Variants in FHL3 observed in about 807,000 individuals in gnomAD.
FHL3 encodes four and a half LIM domains 3.
Under a neutral mutation model 34.3 loss-of-function variants are expected in FHL3, and 21 were observed. The observed-to-expected ratio is 0.61, with a 90% CI of 0.43 to 0.88. The LOEUF is 0.88. FHL3 is among the 40% of genes least tolerant of loss of function. FHL3 has a pLI of 0.00. For missense variants in FHL3, 333 were observed against 373.7 expected (o/e 0.89, Z 0.90); for synonymous variants, 137 against 144.6 (o/e 0.95, Z 0.38).
chr1:37,997,676 T>G lies in FHL3; in HGVS notation c.688+8A>C. 34 of 1,613,966 alleles carry G rather than the reference T, an allele frequency of 2.1e-5. No homozygotes were observed. Among genetic ancestry groups the G allele is most frequent in the Non-Finnish European group, 2.9e-5 (34 of 1,179,890 alleles). ...CCTACCCACTCCGTTCTTTGACCCT[T>G]GTCCCACCTACGATGGGGCGCTTGC... On this transcript the variant is annotated splice_region_variant and intron_variant, in intron 5 of 5. Transcript: ENST00000373016. This position sits in a 1 kb window ranked among gnomAD's most constrained non-coding sequence, Gnocchi z 4.3.
Position 37,998,003 on chromosome 1 carries a change from T to C in FHL3, c.461A>G (p.Tyr154Cys), listed in dbSNP as rs780423046. The C allele has an allele frequency of 1.3e-5, 21 of 1,614,106 alleles. No individual in the cohort carries two copies. Among genetic ancestry groups the C allele is most frequent in the Non-Finnish European group, 1.7e-5 (20 of 1,179,988 alleles). Residue 154 changes from tyrosine (Y) to cysteine (C), a missense_variant, in exon 4 of 6, where the codon TAT becomes TGT. Coordinates refer to ENST00000373016, the MANE Select transcript of FHL3 (RefSeq NM_004468.5). ...GCAGCGAGGAGCAAACTTGTTCTCA[T>C]AGCAGGGCACGCAGTAGTGAGCACC... ...DKGAHYCVPC[Y>C]ENKFAPRCAR...
intron 1 of FHL3, among the ~76,000 whole-genome samples, 157 bp from the exon 2 acceptor site, chr1:37,999,589 C>T (rs1434848821): frequency 6.6e-6 from 1 of 152,006 alleles, no homozygotes; most frequent in Admixed American, 6.5e-5. Flanking sequence ...TTCTGGGAAA[C>T]CAGGAATCCC....
chr1:37,999,909 A>G (rs1646576603), intron 1 of FHL3, among the ~76,000 whole-genome samples: 1 of 152,252 alleles, frequency 6.6e-6, no homozygotes, highest in Non-Finnish European at 1.5e-5. Flanking sequence ...TCTGGAGTAC[A>G]GAACTTAGAG....
chr1:38,000,621 C>T (rs1245954722), intron 1 of FHL3, among the ~76,000 whole-genome samples: 1 of 152,178 alleles, frequency 6.6e-6, no homozygotes, highest in African/African-American at 2.4e-5. Flanking sequence ...AGGAACAAAG[C>T]ATGTTTGTGG....
At chr1:37,999,566 G>A in intron 1 of FHL3, 134 bp from the exon 2 acceptor site, 2 of 766,712 alleles carry the variant, frequency 2.6e-6, no homozygotes, top group South Asian at 1.9e-5. Context: ...AGGTGGGGAT[G>A]GGGAAGGGGT....
At chr1:38,003,157 T>TCAAAA (rs1047837111) in intron 1 of FHL3, among the ~76,000 whole-genome samples, 2 of 147,164 alleles carry the variant, frequency 1.4e-5, no homozygotes, top group Non-Finnish European at 3.0e-5. Flanking sequence ...AAACTCTGTC[T>TCAAAA]CAAAACAAAA....
intron 2 of FHL3, 35 bp downstream of exon 2, chr1:37,999,222 C>T (rs998736553): frequency 6.8e-6 from 11 of 1,614,016 alleles, no homozygotes; most frequent in Non-Finnish European, 8.5e-6. Context: ...CACTGGTCAC[C>T]ACCCACCTCC....
At chr1:38,002,535 ATTT>A (rs35702463) in intron 1 of FHL3, among the ~76,000 whole-genome samples, 25 of 106,752 alleles carry the variant, frequency 2.3e-4, no homozygotes, top group East Asian at 6.5e-4. Flanking sequence ...TGCCAGCCCA[ATTT>A]TTTTTTTTTT....
chr1:38,001,682 C>T (rs775516758), intron 1 of FHL3, among the ~76,000 whole-genome samples: 4 of 152,154 alleles, frequency 2.6e-5, no homozygotes, highest in African/African-American at 4.8e-5. Flanking sequence ...GGCAGTGGGG[C>T]GGGGTTTGGG....
At chr1:37,998,779 C>T (rs906524439) in intron 3 of FHL3, 195 bp downstream of exon 3, 11 of 599,966 alleles carry the variant, frequency 1.8e-5, no homozygotes, top group Admixed American at 3.0e-5. Flanking sequence ...GTATGTATCA[C>T]ATGTGTCAAT....
chr1:37,997,284 T>G lies in FHL3; in HGVS notation c.*121A>C, dbSNP rs1646543208. The G allele has an allele frequency of 9.5e-7, 1 of 1,056,666 alleles. No homozygotes were observed. The highest frequency in any genetic ancestry group is 1.6e-5 in the African/African-American group (1 of 63,048). The allele number at this position is 1,056,666 out of a possible 1,614,324, so 65.5% of individuals were successfully genotyped here. ...GGATGCTGGAGTGGGGAGACAATCCTGGAGCCCAGAAGGAGACCCATTTTT... is the reference window on the plus strand; with the variant it reads ...GGATGCTGGAGTGGGGAGACAATCCGGGAGCCCAGAAGGAGACCCATTTTT... On this transcript the variant is annotated 3_prime_UTR_variant, in exon 6 of 6. Coordinates refer to ENST00000373016, the MANE Select transcript of FHL3 (RefSeq NM_004468.5). This position sits in a 1 kb window ranked among gnomAD's most constrained non-coding sequence, Gnocchi z 4.3.
At chr1:38,000,009 T>C (rs1570484514) in intron 1 of FHL3, among the ~76,000 whole-genome samples, 1 of 152,174 alleles carries the variant, frequency 6.6e-6, no homozygotes, top group Non-Finnish European at 1.5e-5. Flanking sequence ...AAGAGGCCAG[T>C]GTGAGAGGTT....
rs1197445220 is a variant in FHL3 at position 37,998,036 on chromosome 1, G to A, written c.428C>T (p.Pro143Leu). 6.2e-7 allele frequency: 1 copy of A among 1,614,004 alleles called. No individual in the cohort carries two copies. Among genetic ancestry groups the A allele is most frequent in the Non-Finnish European group, 8.5e-7 (1 of 1,180,024 alleles). The change falls in exon 4 of 6, where the codon CCC (proline) becomes CTC (leucine). Residue 143 changes from proline to leucine, a missense_variant. Physicochemically the swap from Pro to Leu is moderately conservative, Grantham distance 98. Transcript: ENST00000373016. ...CACGCAGTAGTGAGCACCCTTGTCG[G>A]GCACAAAAGAACGGGAGCCCAGTGG... ...EQPLGSRSFV[P>L]DKGAHYCVPC...
chr1:37,998,517 C>T (rs1289762398), intron 3 of FHL3, among the ~76,000 whole-genome samples: 1 of 152,134 alleles, frequency 6.6e-6, no homozygotes. Context: ...TCTGCCCACA[C>T]AAAGTTCTAA....
chr1:37,999,444 A>C lies in FHL3; in HGVS notation c.-20-12T>G. The C allele has an allele frequency of 6.2e-7, 1 of 1,611,602 alleles. No homozygotes were observed. Among genetic ancestry groups the C allele is most frequent in the East Asian group, 2.2e-5 (1 of 44,872 alleles). ...AAGGGGAGAGAACCCTGTTAGGAGC[A>C]CAAGGTGGAACTGGGGTCACACAGA... On this transcript the variant is annotated splice_polypyrimidine_tract_variant and intron_variant, in intron 1 of 5. Transcript: ENST00000373016.
rs770955273 is a variant in FHL3 at position 37,998,107 on chromosome 1, G to T, written c.357C>A (p.Gly119=). The change falls in exon 4 of 6, where the codon GGC becomes GGA. Residue 119 remains glycine (G), a synonymous_variant. Coordinates refer to ENST00000373016, the MANE Select transcript of FHL3 (RefSeq NM_004468.5). The part of the protein sequence containing the change: ...MPGSRKLEYG[G]QTWHEHCFLC... ...GGAAGCAGTGCTCATGCCATGTCTG[G>T]CCTCCATATTCCAGCTTCCGGGACC... 2.5e-6 allele frequency: 4 copies of T among 1,613,916 alleles called. No individual in the cohort carries two copies. In the Admixed American group the frequency reaches 5.0e-5, roughly 20 times the overall value.
rs983975444 is a variant in FHL3, at chr1:37,997,032, C to T, written c.*373G>A. ...GACTTCCCAGGCACCCATAGGAGAC[C>T]TGAAACCTATAAAGAGAAGTCTAGA... On this transcript the variant is annotated 3_prime_UTR_variant, in exon 6 of 6. Coordinates refer to ENST00000373016, the MANE Select transcript of FHL3 (RefSeq NM_004468.5). This position sits in a 1 kb window ranked among gnomAD's most constrained non-coding sequence, Gnocchi z 4.3. 2 of 189,272 alleles carry T rather than the reference C, an allele frequency of 1.1e-5. No individual in the cohort carries two copies. The highest frequency in any genetic ancestry group is 4.8e-5 in the African/African-American group (2 of 42,076). 11.7% of individuals were successfully genotyped at this position (189,272 alleles called of 1,614,324 possible). A position where few individuals can be genotyped will look rare whatever the true frequency, so the allele number is the denominator to read the frequency against.
At position 37,997,799 on chromosome 1, in the gene FHL3, G is replaced by C; in HGVS notation, c.573C>G (p.Cys191Trp). 6.2e-7 allele frequency: 1 copy of C among 1,614,116 alleles called. No individual in the cohort carries two copies. Among genetic ancestry groups the C allele is most frequent in the Non-Finnish European group, 8.5e-7 (1 of 1,179,988 alleles). ...WHRECLVCTG[C>W]QTPLAGQQFT... The stretch of plus-strand genomic sequence containing the variant: ...ACTGCTGCCCTGCCAGGGGCGTCTG[G>C]CATCCGGTACAGACCAGACATTCTC... The change falls in exon 5 of 6, where the codon TGC (cysteine) becomes TGG (tryptophan). Residue 191 changes from cysteine (C) to tryptophan (W), a missense_variant. Cys to Trp is a radical substitution (Grantham distance 215). Transcript: ENST00000373016. This position sits in a 1 kb window ranked among gnomAD's most constrained non-coding sequence, Gnocchi z 4.3.
chr1:38,005,027 G>A (rs971337323), intron 1 of FHL3, among the ~76,000 whole-genome samples: 1 of 152,050 alleles, frequency 6.6e-6, no homozygotes, highest in African/African-American at 2.4e-5. Flanking sequence ...TCGCTCCACC[G>A]GGCTTTCCGA....
Sources: gnomAD v4.1 joint callset for allele counts (sites outside exome capture counted in the v4.1 genomes callset) on GRCh38, gnomAD v4.1.1 for gene constraint, Gnocchi (gnomAD v3.1) non-coding constraint, MANE v1.5 for transcripts, NCBI Gene and HGNC (gene_info 2026-07-23, HGNC 2026-07-21) for gene names.